Variants in KIF6 observed in about 807,000 individuals in gnomAD.
The protein encoded by KIF6 is kinesin-like protein KIF6.
A neutral mutation model predicts 112.7 loss-of-function variants in KIF6; 106 were observed. The observed-to-expected ratio is 0.94, with a 90% confidence interval of 0.80 to 1.11. KIF6 has a LOEUF of 1.11. KIF6 is among the 50% of genes least tolerant of loss of function. The pLI is 0.00. For synonymous variants in KIF6, 339 were observed against 339.9 expected (o/e 1.00, Z 0.03); for missense variants, 929 against 964.0 (o/e 0.96, Z 0.48).
intron 2 of KIF6, among the ~76,000 whole-genome samples, chr6:39,716,394 T>C (rs147954967): frequency 1.3e-5 from 2 of 152,320 alleles, no homozygotes; most frequent in African/African-American, 4.8e-5. Flanking sequence ...TTTATTGACT[T>C]TTCCCCACAC....
chr6:39,541,617 C>T (rs1478940964), intron 12 of KIF6, among the ~76,000 whole-genome samples: 1 of 152,212 alleles, frequency 6.6e-6, no homozygotes, highest in East Asian at 1.9e-4. Flanking sequence ...TTCTTGCTCT[C>T]ACGAAGCAGA....
At chr6:39,460,865 C>T (rs903290196) in intron 13 of KIF6, among the ~76,000 whole-genome samples, 2 of 152,140 alleles carry the variant, frequency 1.3e-5, no homozygotes, top group Admixed American at 1.3e-4. Context: ...TTTGTCTTTT[C>T]ATACCTTTGT....
At chr6:39,624,770 C>G (rs1784002864) in intron 5 of KIF6, among the ~76,000 whole-genome samples, 2 of 152,174 alleles carry the variant, frequency 1.3e-5, no homozygotes, top group Admixed American at 1.3e-4. Flanking sequence ...AGATATATTT[C>G]TATATTCCAG....
chr6:39,593,255 G>C (rs888709518), intron 7 of KIF6, among the ~76,000 whole-genome samples: 4 of 152,132 alleles, frequency 2.6e-5, no homozygotes, highest in African/African-American at 9.7e-5. Flanking sequence ...AGTCTCATTA[G>C]TGCCATAATA....
At chr6:39,385,113 C>G (rs114964027) in intron 16 of KIF6, among the ~76,000 whole-genome samples, 1 of 152,202 alleles carries the variant, frequency 6.6e-6, no homozygotes, top group African/African-American at 2.4e-5. Flanking sequence ...TGTTTCAACA[C>G]TCACTGGCTA....
chr6:39,624,850 G>A (rs889844356), intron 5 of KIF6, among the ~76,000 whole-genome samples: 1 of 130,712 alleles, frequency 7.7e-6, no homozygotes, highest in Admixed American at 9.7e-5. Flanking sequence ...GCAATGGTTG[G>A]TGAAAGCTAA....
intron 13 of KIF6, among the ~76,000 whole-genome samples, chr6:39,482,040 A>ACACACACACACCC (rs926486343): frequency 6.8e-6 from 1 of 147,782 alleles, no homozygotes; most frequent in African/African-American, 2.5e-5. Context: ...ACACACACAC[A>ACACACACACACCC]CCCCACTGGG....
At chr6:39,348,078 G>A (rs1763946776) in intron 19 of KIF6, among the ~76,000 whole-genome samples, 1 of 152,264 alleles carries the variant, frequency 6.6e-6, no homozygotes, top group Non-Finnish European at 1.5e-5. Flanking sequence ...GGCTCCTGCT[G>A]AGTGGTTCCT....
intron 13 of KIF6, among the ~76,000 whole-genome samples, chr6:39,461,458 T>A (rs1476771848): frequency 2.0e-5 from 3 of 152,174 alleles, no homozygotes; most frequent in African/African-American, 7.2e-5. Context: ...ACATATAATT[T>A]TAGATTTTCT....
chr6:39,337,156 T>TCC (rs1762997166), intron 22 of KIF6, among the ~76,000 whole-genome samples: 2 of 51,662 alleles, frequency 3.9e-5, no homozygotes, highest in Admixed American at 3.3e-4. Context: ...TTCTCTTTCT[T>TCC]TTCTTTCTTT....
intron 3 of KIF6, among the ~76,000 whole-genome samples, chr6:39,712,618 A>G (rs1412285449): frequency 6.6e-6 from 1 of 152,146 alleles, no homozygotes; most frequent in African/African-American, 2.4e-5. Flanking sequence ...TAATCCTAGC[A>G]CTTTGGGAGG....
chr6:39,501,361 C>G (rs1273224232), intron 13 of KIF6, among the ~76,000 whole-genome samples: 1 of 152,290 alleles, frequency 6.6e-6, no homozygotes, highest in South Asian at 2.1e-4. Context: ...GATAAGCCCA[C>G]AAAGATAAGA....
intron 19 of KIF6, chr6:39,354,047 T>A (rs574972169): frequency 1.9e-4 from 60 of 321,972 alleles, no homozygotes; most frequent in African/African-American, 1.3e-3. Context: ...CCAGCCTACA[T>A]AAGGCTCCTG....
chr6:39,515,625 G>GT lies in KIF6; in HGVS notation c.1645+24377dup, dbSNP rs1227862129. Among the ~76,000 whole-genome samples the GT allele has an allele frequency of 3.9e-5, 6 of 152,294 alleles. No individual in the cohort carries two copies. In the East Asian group the frequency reaches 1.2e-3, roughly 29 times the overall value. ...ACTTCTCTTATATAGTATGTCTGGT[G>GT]TGACAACCCGGAATACGACTAACAT... On this transcript the variant is annotated intron_variant, in intron 13 of 22. Coordinates refer to ENST00000287152, the MANE Select transcript of KIF6 (RefSeq NM_145027.6).
intron 3 of KIF6, among the ~76,000 whole-genome samples, chr6:39,693,096 A>G (rs1181453469): frequency 6.6e-6 from 1 of 152,228 alleles, no homozygotes; most frequent in Non-Finnish European, 1.5e-5. Context: ...CAATGTACGC[A>G]TATGCCCCTG....
chr6:39,573,159 C>T (rs1033922283), intron 10 of KIF6, among the ~76,000 whole-genome samples: 6 of 152,010 alleles, frequency 3.9e-5, no homozygotes, highest in Middle Eastern at 3.4e-3. Flanking sequence ...GCCACTGTGT[C>T]CTGACAAGCT....
intron 2 of KIF6, among the ~76,000 whole-genome samples, chr6:39,715,280 C>G (rs1479000066): frequency 1.2e-4 from 19 of 152,034 alleles, no homozygotes; most frequent in Non-Finnish European, 2.4e-4. Context: ...CCATTTAATT[C>G]TCAGGATGGT....
intron 13 of KIF6, among the ~76,000 whole-genome samples, chr6:39,510,265 TG>T (rs1353712087): frequency 6.6e-6 from 1 of 151,954 alleles, no homozygotes; most frequent in Non-Finnish European, 1.5e-5. Context: ...GCTCATTTTT[TG>T]TATTTTTAGT....
rs150066437 is a variant in KIF6 at position 39,596,088 on chromosome 6, T to C, written c.812A>G (p.Lys271Arg). 2.9e-5 allele frequency: 47 copies of C among 1,613,888 alleles called. No individual in the cohort carries two copies. Among genetic ancestry groups the C allele is most frequent in the African/African-American group, 2.3e-4 (17 of 74,922 alleles). The change falls in exon 7 of 23, where the codon AAG becomes AGG. Residue 271 changes from lysine (K) to arginine (R), a missense_variant. Physicochemically the swap from Lys to Arg is conservative, Grantham distance 26. Coordinates refer to ENST00000287152, the MANE Select transcript of KIF6 (RefSeq NM_145027.6). ...GVGGHLLTEA[K>R]YINLSLHYLE... ...GTAATGTAGTGACAAGTTGATATAC[T>C]TGGCCTCTGTTAGAAGATGGCCCCC... is the stretch of plus-strand genomic sequence containing the variant.
Sources: gnomAD v4.1 joint callset for allele counts (sites outside exome capture counted in the v4.1 genomes callset) on GRCh38, gnomAD v4.1.1 for gene constraint, MANE v1.5 for transcripts, NCBI Gene and HGNC (gene_info 2026-07-23, HGNC 2026-07-21) for gene names.